Variants in RBBP8 observed in about 807,000 individuals in gnomAD.
RBBP8 encodes the protein RB binding protein 8, endonuclease.
RBBP8 carries 88 observed loss-of-function variants against 108.3 expected under a neutral mutation model. That is an observed-to-expected ratio of 0.81 (90% CI 0.68 to 0.97). The LOEUF is 0.97. Ranked by LOEUF, RBBP8 falls within the 50% of genes least tolerant of loss-of-function variation. The pLI, the probability that RBBP8 is intolerant of heterozygous loss-of-function variation, is 0.00. For missense variants in RBBP8, 1,023 were observed against 1,049.0 expected (o/e 0.98, Z 0.34); for synonymous variants, 332 against 348.2 (o/e 0.95, Z 0.52).
intron 4 of RBBP8, among the ~76,000 whole-genome samples, chr18:22,957,597 C>A (rs1912694432): frequency 6.6e-6 from 1 of 151,884 alleles, no homozygotes; most frequent in African/African-American, 2.4e-5. Context: ...GCCCTTTTTT[C>A]CCTTTACCTG....
intron 4 of RBBP8, among the ~76,000 whole-genome samples, chr18:22,962,987 C>T (rs12971230): frequency 0.49 from 74,639 of 151,896 alleles, 21,697 homozygotes; most frequent in Middle Eastern, 0.67. Flanking sequence ...TCTCTTCTAC[C>T]AGATTCCAAG....
intron 4 of RBBP8, among the ~76,000 whole-genome samples, chr18:22,966,742 G>GGA (rs796482657): frequency 5.2e-5 from 2 of 38,602 alleles, no homozygotes; most frequent in Non-Finnish European, 1.2e-4. Flanking sequence ...TTTTTTTTTT[G>GGA]GAGAGAGAGA....
intron 4 of RBBP8, among the ~76,000 whole-genome samples, chr18:22,968,403 T>C (rs909426785): frequency 6.6e-6 from 1 of 152,172 alleles, no homozygotes; most frequent in Non-Finnish European, 1.5e-5. Context: ...ATGAATTTAA[T>C]TTTTCATCAA....
At chr18:22,922,641 T>C (rs1598620218) in intron 3 of RBBP8, among the ~76,000 whole-genome samples, 2 of 152,210 alleles carry the variant, frequency 1.3e-5, no homozygotes, top group East Asian at 3.9e-4. Flanking sequence ...TTTTATGTAT[T>C]TTCTGTAGCA....
At chr18:23,002,726 C>T (rs1027928795) in intron 15 of RBBP8, among the ~76,000 whole-genome samples, 1 of 151,932 alleles carries the variant, frequency 6.6e-6, no homozygotes, top group Non-Finnish European at 1.5e-5. Context: ...ATGAACATAC[C>T]TTCTACTGTG....
chr18:23,003,769 T>C (rs2045987026), intron 15 of RBBP8, among the ~76,000 whole-genome samples: 1 of 152,112 alleles, frequency 6.6e-6, no homozygotes, highest in Admixed American at 6.5e-5. Context: ...CAATGTAAAT[T>C]AGTATAGCCA....
intron 4 of RBBP8, among the ~76,000 whole-genome samples, chr18:22,968,550 G>A (rs911841664): frequency 1.3e-5 from 2 of 152,166 alleles, no homozygotes; most frequent in Middle Eastern, 6.3e-3. Context: ...AACAAGGTCA[G>A]CTTCTTCAAT....
At chr18:22,991,131 C>G in intron 10 of RBBP8, 82 bp downstream of exon 10, 1 of 982,264 alleles carries the variant, frequency 1.0e-6, no homozygotes. Flanking sequence ...TAAGCCATTT[C>G]TCTCCTTCAA....
At chr18:22,949,017 T>A (rs1042506858) in intron 3 of RBBP8, among the ~76,000 whole-genome samples, 10 of 152,226 alleles carry the variant, frequency 6.6e-5, no homozygotes, top group Non-Finnish European at 1.3e-4. Context: ...TAAAGCCTAC[T>A]GTGTGCCACA....
chr18:22,955,036 A>G (rs1167567201), intron 4 of RBBP8, among the ~76,000 whole-genome samples: 2 of 152,212 alleles, frequency 1.3e-5, no homozygotes, highest in African/African-American at 4.8e-5. Context: ...CAGTTGATAC[A>G]TTTAATTGTT....
intron 1 of RBBP8, chr18:22,934,713 T>G (rs1046270028): frequency 6.8e-6 from 1 of 146,434 alleles, no homozygotes; most frequent in Non-Finnish European, 1.5e-5. Context: ...CCCCTTCCTG[T>G]GTCCAGGTGT....
rs141612841 is a variant in RBBP8 at position 22,984,787 on chromosome 18, A to C, written c.605-99A>C. The C allele has an allele frequency of 5.8e-4, 387 of 670,660 alleles. 1 individual carries two copies. The East Asian group carries it at 0.011, about 19-fold the overall frequency. The allele number at this position is 670,660 out of a possible 1,614,324, so 41.5% of individuals were successfully genotyped here. ...CTTATATTGGATTTAAATACAGATA[A>C]TACATAAAAATTTTAAATATGAATA... On this transcript the variant is annotated intron_variant, in intron 7 of 18. Coordinates refer to ENST00000327155, the MANE Select transcript of RBBP8 (RefSeq NM_002894.3).
intron 5 of RBBP8, among the ~76,000 whole-genome samples, chr18:22,972,353 CAAAAA>C (rs1168455023): frequency 3.6e-5 from 2 of 55,866 alleles, no homozygotes; most frequent in South Asian, 8.3e-4. Flanking sequence ...GACTCCCTCT[CAAAAA>C]AAAAAAAAAA....
chr18:23,013,358 G>A (rs758622927), intron 16 of RBBP8, among the ~76,000 whole-genome samples: 2 of 152,096 alleles, frequency 1.3e-5, no homozygotes, highest in Non-Finnish European at 2.9e-5. Context: ...GGGGTCAAAG[G>A]TGTCTTTTTG....
In RBBP8 at chr18:22,992,989, C is replaced by G; in HGVS notation, c.1162C>G (p.His388Asp). ...KSEDSALFTH[H>D]SLGSEVNKII... ...TGAAGATAGTGCCCTTTTCACACAT[C>G]ACAGTCTTGGGTCTGAAGTGAACAA... The change falls in exon 11 of 19, where the codon CAC becomes GAC. Residue 388 changes from histidine (H) to aspartate (D), a missense_variant. His to Asp is a moderately conservative substitution (Grantham distance 81). Coordinates refer to ENST00000327155, the MANE Select transcript of RBBP8 (RefSeq NM_002894.3). 6.2e-7 allele frequency: 1 copy of G among 1,613,568 alleles called. No homozygotes were observed. The highest frequency in any genetic ancestry group is 8.5e-7 in the Non-Finnish European group (1 of 1,179,510).
At chr18:22,971,084 T>C (rs1244243679) in intron 5 of RBBP8, among the ~76,000 whole-genome samples, 2 of 151,884 alleles carry the variant, frequency 1.3e-5, no homozygotes, top group African/African-American at 4.8e-5. Context: ...GCCTCGTAAC[T>C]GCATTCATAC....
At chr18:23,015,803 A>G (rs1331032304) in intron 16 of RBBP8, among the ~76,000 whole-genome samples, 2 of 152,140 alleles carry the variant, frequency 1.3e-5, no homozygotes, top group East Asian at 1.9e-4. Flanking sequence ...ACTCTGTTCC[A>G]TTGCTCTATG....
chr18:23,021,543 T>C (rs1044812480), intron 17 of RBBP8, among the ~76,000 whole-genome samples: 1 of 152,248 alleles, frequency 6.6e-6, no homozygotes, highest in African/African-American at 2.4e-5. Flanking sequence ...TGCATGAAGT[T>C]CAAGTTCTTT....
intron 13 of RBBP8, 76 bp downstream of exon 13, chr18:22,996,538 C>T: frequency 1.1e-5 from 18 of 1,572,956 alleles, no homozygotes; most frequent in Non-Finnish European, 1.5e-5. Flanking sequence ...TCTCGTGACT[C>T]ACTGTATCAC....
Sources: allele counts gnomAD v4.1 joint callset (sites outside exome capture counted in the v4.1 genomes callset), GRCh38; gene constraint gnomAD v4.1.1; transcripts MANE v1.5; gene names NCBI Gene and HGNC (gene_info 2026-07-23, HGNC 2026-07-21).